CNTLN: variants seen among roughly 807,000 people sequenced by gnomAD.
The protein encoded by CNTLN is centlein, centrosomal protein.
A neutral mutation model predicts 180.0 loss-of-function variants in CNTLN; 212 were observed. The ratio of observed to expected loss-of-function variants is 1.18; its 90% CI spans 1.05 to 1.32. The LOEUF is 1.32. Among genes scored for constraint, CNTLN ranks in the 40% most tolerant of loss-of-function variants. The pLI, the probability that CNTLN is intolerant of heterozygous loss-of-function variation, is 0.00. For synonymous variants in CNTLN, 722 were observed against 563.1 expected, an observed-to-expected ratio of 1.28 and a Z score of -3.99; for missense variants, 2,095 against 1,610.9, an observed-to-expected ratio of 1.30 and a Z score of -5.14.
the CNTLN span, among the ~76,000 whole-genome samples, chr9:17,528,072 TAAAG>T: frequency 1.3e-5 from 2 of 151,120 alleles, no homozygotes; most frequent in African/African-American, 4.9e-5. Flanking sequence ...CAGAAGAAAA[TAAAG>T]ATAGAAGAAA....
chr9:17,266,464 G>C (rs1296863435), intron 5 of CNTLN, among the ~76,000 whole-genome samples: 1 of 152,138 alleles, frequency 6.6e-6, no homozygotes, highest in African/African-American at 2.4e-5. Context: ...CCCAGTATGT[G>C]GTCAATTTTG....
chr9:17,162,113 T>C (rs1006392137), intron 2 of CNTLN, among the ~76,000 whole-genome samples: 6 of 152,074 alleles, frequency 3.9e-5, no homozygotes, highest in Admixed American at 2.0e-4. Context: ...CTTTCTTTAT[T>C]TCTTTTTTCT....
intron 5 of CNTLN, among the ~76,000 whole-genome samples, chr9:17,268,200 A>C (rs973760657): frequency 3.3e-5 from 5 of 152,098 alleles, no homozygotes; most frequent in Admixed American, 2.6e-4. Context: ...GTGGTGACTT[A>C]CAGATGGGTT....
chr9:17,341,859 G>C (rs569470378), intron 11 of CNTLN, among the ~76,000 whole-genome samples: 1 of 152,228 alleles, frequency 6.6e-6, no homozygotes, highest in African/African-American at 2.4e-5. Flanking sequence ...TTTATCCTCT[G>C]TTCACCCAGC....
chr9:17,478,163 A>T (rs1450524047), intron 23 of CNTLN, among the ~76,000 whole-genome samples: 1 of 152,224 alleles, frequency 6.6e-6, no homozygotes, highest in African/African-American at 2.4e-5. Context: ...CTTAGACATA[A>T]TGCTATTGAA....
intron 6 of CNTLN, among the ~76,000 whole-genome samples, chr9:17,293,250 G>C (rs539446927): frequency 6.6e-6 from 1 of 152,372 alleles, no homozygotes; most frequent in East Asian, 1.9e-4. Flanking sequence ...CCAGTCTGGA[G>C]GCAGGGGTTC....
chr9:17,175,526 A>G (rs745687876), intron 2 of CNTLN, among the ~76,000 whole-genome samples: 1 of 152,172 alleles, frequency 6.6e-6, no homozygotes, highest in Non-Finnish European at 1.5e-5. Flanking sequence ...TGTCAATACC[A>G]TACCATCTTG....
intron 5 of CNTLN, among the ~76,000 whole-genome samples, chr9:17,254,380 C>A (rs1030688428): frequency 4.0e-5 from 6 of 150,440 alleles, no homozygotes; most frequent in Non-Finnish European, 7.4e-5. Context: ...ATTGCCAAAT[C>A]CAAAATCATG....
chr9:17,374,759 G>T (rs1824611399), intron 13 of CNTLN, among the ~76,000 whole-genome samples: 1 of 152,010 alleles, frequency 6.6e-6, no homozygotes, highest in Middle Eastern at 3.2e-3. Flanking sequence ...TACTTGGGAG[G>T]CTGAGACAAG....
intron 23 of CNTLN, among the ~76,000 whole-genome samples, chr9:17,473,334 A>G (rs1832133548): frequency 6.6e-6 from 1 of 152,100 alleles, no homozygotes; most frequent in Non-Finnish European, 1.5e-5. Flanking sequence ...GAAGCAACCC[A>G]GAGATAATTT....
chr9:17,219,048 T>C (rs1823952718), intron 2 of CNTLN, among the ~76,000 whole-genome samples: 1 of 152,132 alleles, frequency 6.6e-6, no homozygotes, highest in Non-Finnish European at 1.5e-5. Context: ...AAATGGGAAG[T>C]ACTCTTGGGA....
intron 23 of CNTLN, among the ~76,000 whole-genome samples, chr9:17,475,247 A>C (rs1832267482): frequency 6.6e-6 from 1 of 152,004 alleles, no homozygotes; most frequent in African/African-American, 2.4e-5. Flanking sequence ...TTAAATCTAA[A>C]TCATTATTGA....
the CNTLN span, among the ~76,000 whole-genome samples, chr9:17,526,364 C>A: frequency 6.6e-6 from 1 of 152,184 alleles, no homozygotes; most frequent in Non-Finnish European, 1.5e-5. Context: ...AAGTAAATTA[C>A]TATAAGAGAC....
intron 2 of CNTLN, among the ~76,000 whole-genome samples, chr9:17,182,862 T>C (rs1225467634): frequency 6.6e-6 from 1 of 152,228 alleles, no homozygotes; most frequent in African/African-American, 2.4e-5. Context: ...CATGAAGCTG[T>C]ATTCAGTTGG....
chr9:17,212,470 A>C (rs773921550), intron 2 of CNTLN, among the ~76,000 whole-genome samples: 2 of 152,262 alleles, frequency 1.3e-5, no homozygotes, highest in Non-Finnish European at 2.9e-5. Flanking sequence ...TATTTTATTA[A>C]GGATTTTTCT....
chr9:17,192,144 A>G, intron 2 of CNTLN, among the ~76,000 whole-genome samples: 1 of 152,150 alleles, frequency 6.6e-6, no homozygotes, highest in Non-Finnish European at 1.5e-5. Flanking sequence ...ATGGCTAATA[A>G]TATATTGAGT....
intron 2 of CNTLN, among the ~76,000 whole-genome samples, chr9:17,149,014 G>T (rs533601062): frequency 1.3e-5 from 2 of 152,136 alleles, no homozygotes; most frequent in South Asian, 2.1e-4. Flanking sequence ...TCCCCTCCCT[G>T]TGTCCATGTG....
rs144723590 is a variant in CNTLN at position 17,381,420 on chromosome 9, C to T, written c.1988-6742C>T. ...TCAGCATTCTGCACTGACACCTCCTCACTCAGTATAAAATTTATTAAGTTA... is the reference window on the plus strand; with the variant it reads ...TCAGCATTCTGCACTGACACCTCCTTACTCAGTATAAAATTTATTAAGTTA... On this transcript the variant is annotated intron_variant, in intron 13 of 25. Transcript: ENST00000380647. Among the ~76,000 whole-genome samples the T allele has an allele frequency of 2.4e-4, 36 of 152,340 alleles. 2 individuals carry two copies. In the East Asian group the frequency reaches 6.9e-3, roughly 29 times the overall value.
intron 13 of CNTLN, among the ~76,000 whole-genome samples, chr9:17,385,043 C>T (rs1233061679): frequency 6.6e-6 from 1 of 152,190 alleles, no homozygotes; most frequent in Non-Finnish European, 1.5e-5. Context: ...GGAGCCCTTC[C>T]TCAGATTAGT....
Sources: allele counts gnomAD v4.1 joint callset (sites outside exome capture counted in the v4.1 genomes callset), GRCh38; gene constraint gnomAD v4.1.1; transcripts MANE v1.5; gene names NCBI Gene and HGNC (gene_info 2026-07-23, HGNC 2026-07-21).